The following MYRIP variants were observed in gnomAD, a reference collection of about 807,000 sequenced individuals.
MYRIP encodes the protein myosin VIIA and Rab interacting protein.
In MYRIP, 49 loss-of-function variants were observed where a neutral mutation model predicts 98.0. The observed-to-expected ratio is 0.50, with a 90% CI of 0.40 to 0.63. The LOEUF is 0.63. Ranked by LOEUF, MYRIP falls within the 30% of genes least tolerant of loss-of-function variation. MYRIP has a pLI of 0.00. For synonymous variants in MYRIP, 404 were observed against 409.5 expected (o/e 0.99, Z 0.16); for missense variants, 1,004 against 1,058.2 (o/e 0.95, Z 0.71).
At position 40,168,870 on chromosome 3, in the gene MYRIP, C is replaced by T. The variant is rs140503246; in HGVS notation, c.730-1080C>T. Among the ~76,000 whole-genome samples, 1,124 of 152,308 alleles carry T rather than the reference C, an allele frequency of 7.4e-3. 12 individuals carry two copies. Among genetic ancestry groups the T allele is most frequent in the African/African-American group, 0.025 (1,040 of 41,558 alleles). ...TATACTGGGAGGGTCTGCAGAGTCACACTAGAAAGTGCCGTATGCAGGAAG... is the reference window on the plus strand; with the variant it reads ...TATACTGGGAGGGTCTGCAGAGTCATACTAGAAAGTGCCGTATGCAGGAAG... On this transcript the variant is annotated intron_variant, in intron 7 of 16. Coordinates refer to ENST00000302541, the MANE Select transcript of MYRIP (RefSeq NM_015460.4).
In MYRIP at chr3:39,854,551, T is replaced by C. The variant is rs1371858619; in HGVS notation, c.-31+44635T>C. Among the ~76,000 whole-genome samples the C allele has an allele frequency of 1.3e-5, 2 of 152,122 alleles. 1 individual carries two copies. Among genetic ancestry groups the C allele is most frequent in the Admixed American group, 1.3e-4 (2 of 15,282 alleles). ...CATTTTTCATCCATATCCTGTACTG[T>C]TTTTTAAAATTTTTTTAAGTTGGTT... On this transcript the variant is annotated intron_variant, in intron 1 of 16. Coordinates refer to ENST00000302541, the MANE Select transcript of MYRIP (RefSeq NM_015460.4).
chr3:40,043,266 A>C (rs1947586674), intron 2 of MYRIP, among the ~76,000 whole-genome samples: 1 of 152,078 alleles, frequency 6.6e-6, no homozygotes, highest in African/African-American at 2.4e-5. Flanking sequence ...AAAAATAATA[A>C]TTTTTCTACT....
intron 2 of MYRIP, among the ~76,000 whole-genome samples, chr3:39,910,269 A>C (rs1331297091): frequency 6.6e-6 from 1 of 152,212 alleles, no homozygotes. Flanking sequence ...TGTACAGAGT[A>C]AGAAGTGAAT....
intron 5 of MYRIP, among the ~76,000 whole-genome samples, chr3:40,165,488 A>G (rs906932604): frequency 5.3e-5 from 8 of 152,230 alleles, no homozygotes; most frequent in African/African-American, 1.7e-4. Flanking sequence ...GTTAAATAAT[A>G]TATGAGTAGG....
Position 39,954,227 on chromosome 3 carries a change from A to G in MYRIP, c.110+53301A>G, listed in dbSNP as rs561635189. On this transcript the variant is annotated intron_variant, in intron 2 of 16. Transcript: ENST00000302541. ...GACTGCCTCCTCAAGTGGGTCCCTG[A>G]CACCCAAGTAGCTTAACTGGGAGAC... Among the ~76,000 whole-genome samples, 9 of 152,234 alleles carry G rather than the reference A, an allele frequency of 5.9e-5. No homozygotes were observed. In the South Asian group the frequency reaches 1.2e-3, roughly 21 times the overall value.
chr3:40,032,962 C>CA (rs1377617357), intron 2 of MYRIP, among the ~76,000 whole-genome samples: 1 of 151,762 alleles, frequency 6.6e-6, no homozygotes, highest in African/African-American at 2.4e-5. Context: ...GAACCAAAGA[C>CA]AAAAACCACA....
intron 13 of MYRIP, among the ~76,000 whole-genome samples, chr3:40,245,734 C>A (rs144062902): frequency 1.2e-4 from 16 of 132,468 alleles, no homozygotes; most frequent in Admixed American, 5.2e-4. Context: ...CAGTATAGAC[C>A]CCTGGTTTGC....
intron 3 of MYRIP, chr3:40,100,320 A>C: frequency 1.1e-6 from 1 of 940,344 alleles, no homozygotes; most frequent in South Asian, 4.9e-5. Flanking sequence ...ATTATGTACT[A>C]TAATCCTTTA....
intron 7 of MYRIP, among the ~76,000 whole-genome samples, chr3:40,168,944 T>C (rs1248432105): frequency 1.3e-5 from 2 of 152,196 alleles, no homozygotes; most frequent in Non-Finnish European, 2.9e-5. Flanking sequence ...TTCACATCCC[T>C]TCCGTATGCC....
At chr3:39,809,306 G>T (rs1195463766), upstream of MYRIP, among the ~76,000 whole-genome samples, 1 of 151,414 alleles carries the variant, frequency 6.6e-6, no homozygotes, top group Non-Finnish European at 1.5e-5. Context: ...CCCCAATACT[G>T]CACTGCGCCG....
chr3:39,886,153 C>T (rs1355897479), intron 1 of MYRIP, among the ~76,000 whole-genome samples: 3 of 151,544 alleles, frequency 2.0e-5, no homozygotes, highest in Non-Finnish European at 4.4e-5. Context: ...GATTTTGTCA[C>T]CACCAGGCCT....
intron 8 of MYRIP, among the ~76,000 whole-genome samples, chr3:40,180,940 T>C (rs1025476027): frequency 6.6e-6 from 1 of 152,132 alleles, no homozygotes; most frequent in Non-Finnish European, 1.5e-5. Context: ...TGGGTTTTGA[T>C]CCTCATCTAT....
At chr3:40,166,565 C>T (rs968433761) in intron 5 of MYRIP, among the ~76,000 whole-genome samples, 34 of 152,016 alleles carry the variant, frequency 2.2e-4, no homozygotes, top group Non-Finnish European at 8.8e-5. Context: ...CCTTGGGGTC[C>T]GTGGGAACCA....
At chr3:39,966,036 G>A (rs1180704454) in intron 2 of MYRIP, among the ~76,000 whole-genome samples, 1 of 152,140 alleles carries the variant, frequency 6.6e-6, no homozygotes, top group African/African-American at 2.4e-5. Flanking sequence ...TGATGTGGGT[G>A]GCTGCCCCTG....
intron 2 of MYRIP, among the ~76,000 whole-genome samples, chr3:39,956,284 C>T (rs1207163687): frequency 1.3e-5 from 2 of 152,120 alleles, no homozygotes; most frequent in African/African-American, 4.8e-5. Context: ...GGAAGTAAAG[C>T]ACTCCTCAGC....
chr3:39,875,827 G>A (rs369980907), intron 1 of MYRIP, among the ~76,000 whole-genome samples: 2 of 152,014 alleles, frequency 1.3e-5, no homozygotes, highest in Non-Finnish European at 2.9e-5. Context: ...GTTGATTTGG[G>A]GTGGAGAGTT....
intron 2 of MYRIP, among the ~76,000 whole-genome samples, chr3:39,990,783 T>A (rs1164743236): frequency 6.6e-6 from 1 of 152,324 alleles, no homozygotes; most frequent in South Asian, 2.1e-4. Flanking sequence ...TCTGAATGCA[T>A]GTTCATTGAG....
At chr3:40,186,638 C>A (rs1018707061) in intron 9 of MYRIP, among the ~76,000 whole-genome samples, 2 of 152,156 alleles carry the variant, frequency 1.3e-5, no homozygotes, top group Admixed American at 1.3e-4. Context: ...CTGGGGCAGG[C>A]AACACAGGCT....
rs138534830 is a variant in MYRIP at position 40,165,116 on chromosome 3, C to T, written c.551-1730C>T. Reference sequence around the variant, plus strand: ...GAGAGGGGAGATACAGTGTCTACCACCAGGGAGCTCTTAGTGTGATGACAA... The same window carrying T: ...GAGAGGGGAGATACAGTGTCTACCATCAGGGAGCTCTTAGTGTGATGACAA... On this transcript the variant is annotated intron_variant, in intron 5 of 16. Transcript: ENST00000302541. 1.8e-3 allele frequency among the ~76,000 whole-genome samples: 273 copies of T among 152,344 alleles called. 1 individual carries two copies. The highest frequency in any genetic ancestry group is 0.012 in the South Asian group (59 of 4,830).
Sources: gnomAD v4.1 joint callset for allele counts (sites outside exome capture counted in the v4.1 genomes callset) on GRCh38, gnomAD v4.1.1 for gene constraint, MANE v1.5 for transcripts, NCBI Gene and HGNC (gene_info 2026-07-23, HGNC 2026-07-21) for gene names.